The following ZNF333 variants were observed in gnomAD, a reference collection of about 807,000 sequenced individuals.
ZNF333 encodes zinc finger protein 333.
ZNF333 carries 61 observed loss-of-function variants against 76.1 expected under a neutral mutation model. The observed-to-expected ratio is 0.80, with a 90% CI of 0.65 to 0.99. The LOEUF (loss-of-function observed/expected upper bound fraction) is 0.99, where lower values mean the gene tolerates loss of function less well. ZNF333 is among the 50% of genes least tolerant of loss of function. The pLI, the probability that ZNF333 is intolerant of heterozygous loss-of-function variation, is 0.00. For missense variants in ZNF333, 717 were observed against 822.4 expected, an observed-to-expected ratio of 0.87 and a Z score of 1.57; for synonymous variants, 284 against 305.0, an observed-to-expected ratio of 0.93 and a Z score of 0.72.
intron 7 of ZNF333, among the ~76,000 whole-genome samples, chr19:14,711,744 G>A (rs1334508478): frequency 6.6e-6 from 1 of 152,182 alleles, no homozygotes; most frequent in East Asian, 1.9e-4. Flanking sequence ...ATGACATGGA[G>A]CATTTTTGTG....
chr19:14,710,040 G>T (rs1184521480), intron 7 of ZNF333, among the ~76,000 whole-genome samples: 1 of 152,214 alleles, frequency 6.6e-6, no homozygotes, highest in Non-Finnish European at 1.5e-5. Flanking sequence ...ATGGAGCAGA[G>T]AACTGGTTGC....
chr19:14,698,895 T>C (rs1568527511), intron 4 of ZNF333, among the ~76,000 whole-genome samples: 1 of 104,586 alleles, frequency 9.6e-6, no homozygotes, highest in African/African-American at 4.5e-5. Context: ...CACACACAAA[T>C]ATAGATATAT....
At chr19:14,690,818 C>T (rs559076021) in intron 1 of ZNF333, among the ~76,000 whole-genome samples, 1 of 152,024 alleles carries the variant, frequency 6.6e-6, no homozygotes, top group Non-Finnish European at 1.5e-5. Flanking sequence ...TTTGGCCAGG[C>T]TTGGTGGCTC....
At position 14,719,407 on chromosome 19, in the gene ZNF333, G is replaced by A. The variant is rs1599757781; in HGVS notation, c.*82G>A. The A allele has an allele frequency of 3.6e-6, 5 of 1,395,936 alleles. No individual in the cohort carries two copies. In the East Asian group the frequency reaches 9.4e-5, roughly 26 times the overall value. 86.5% of individuals were successfully genotyped at this position (1,395,936 alleles called of 1,614,324 possible). A position where few individuals can be genotyped will look rare whatever the true frequency, so the allele number is the denominator to read the frequency against. On this transcript the variant is annotated 3_prime_UTR_variant, in exon 12 of 12. Transcript: ENST00000292530. ...CTTTAGCTGCATCCTGTGTTTCAAT[G>A]TATAATATTTTCATTTTGGTTTAAT...
intron 1 of ZNF333, among the ~76,000 whole-genome samples, chr19:14,690,697 G>C (rs1198276808): frequency 6.6e-6 from 1 of 152,164 alleles, no homozygotes; most frequent in Non-Finnish European, 1.5e-5. Context: ...ATTTCTTTTG[G>C]AGACTGACAA....
downstream of ZNF333, among the ~76,000 whole-genome samples, chr19:14,726,700 G>A (rs553284516): frequency 1.2e-4 from 18 of 152,302 alleles, no homozygotes; most frequent in South Asian, 2.3e-3. Context: ...TAGACGCAAT[G>A]CTGCCAGGTC....
intron 8 of ZNF333, 33 bp from the exon 9 acceptor site, chr19:14,716,079 C>T: frequency 6.2e-7 from 1 of 1,612,950 alleles, no homozygotes; most frequent in South Asian, 1.1e-5. Flanking sequence ...TGGGGGTGGT[C>T]CCTGGCTGAG....
intron 11 of ZNF333, chr19:14,731,098 C>G: frequency 1.5e-6 from 2 of 1,360,548 alleles, no homozygotes; most frequent in Non-Finnish European, 2.0e-6. Context: ...GCCCCCTCCC[C>G]CCAAGGATTG....
rs776908567 is a variant in ZNF333 at position 14,716,132 on chromosome 19, T to TGTG, written c.623_625dup (p.Val208dup). ...TTTAGGAACCAGTCACCTTTGCAGA[T>TGTG]GTGGCTGTGGTGTTCACCCCAGAAG... On this transcript the variant is annotated inframe_insertion, in exon 9 of 12. Transcript: ENST00000292530. 5.6e-6 allele frequency: 9 copies of TGTG among 1,613,996 alleles called. No homozygotes were observed. The highest frequency in any genetic ancestry group is 7.6e-6 in the Non-Finnish European group (9 of 1,180,008).
chr19:14,691,649 T>C (rs1349575598), intron 1 of ZNF333, among the ~76,000 whole-genome samples: 1 of 151,736 alleles, frequency 6.6e-6, no homozygotes, highest in Non-Finnish European at 1.5e-5. Context: ...GTTATTCTTA[T>C]ATTTGATTTT....
intron 7 of ZNF333, among the ~76,000 whole-genome samples, chr19:14,710,777 TTAAAAAA>T (rs1324631406): frequency 6.6e-6 from 1 of 151,988 alleles, no homozygotes; most frequent in Non-Finnish European, 1.5e-5. Context: ...GATTTCCTTC[TTAAAAAA>T]TAAAAAAATA....
chr19:14,694,607 G>A (rs1012655753), intron 2 of ZNF333, among the ~76,000 whole-genome samples: 1 of 152,196 alleles, frequency 6.6e-6, no homozygotes, highest in Non-Finnish European at 1.5e-5. Flanking sequence ...CCAAATTTGT[G>A]ATGCTGTGCC....
At chr19:14,691,843 A>G (rs1448403823) in intron 1 of ZNF333, among the ~76,000 whole-genome samples, 1 of 151,848 alleles carries the variant, frequency 6.6e-6, no homozygotes, top group African/African-American at 2.4e-5. Flanking sequence ...TGCCCGGCTA[A>G]TTTTTGTATT....
At chr19:14,695,414 G>A in intron 3 of ZNF333, 152 bp from the exon 4 acceptor site, 1 of 827,546 alleles carries the variant, frequency 1.2e-6, no homozygotes. Flanking sequence ...TAGCTATTGG[G>A]CAAGATCCCT....
chr19:14,693,344 A>G (rs1206446012), intron 1 of ZNF333, 107 bp from the exon 2 acceptor site: 3 of 749,792 alleles, frequency 4.0e-6, no homozygotes, highest in Non-Finnish European at 6.1e-6. Context: ...TTATGGAGAT[A>G]AATGTCCTGT....
rs1411532629 is a variant in ZNF333 at position 14,706,690 on chromosome 19, T to C, written c.428T>C (p.Leu143Pro). 1 of 1,614,118 alleles carries C rather than the reference T, an allele frequency of 6.2e-7. No individual in the cohort carries two copies. Among genetic ancestry groups the C allele is most frequent in the Admixed American group, 1.7e-5 (1 of 60,024 alleles). Residue 143 changes from leucine to proline, a missense_variant, in exon 7 of 12, where the codon CTG becomes CCG. Physicochemically the swap from Leu to Pro is moderately conservative, Grantham distance 98. Coordinates refer to ENST00000292530, the MANE Select transcript of ZNF333 (RefSeq NM_032433.4). ...GACCCCTGTCACTCTGTCCAGGGAC[T>C]GAAGGCCGCTATGCAGATTCAGAGG... is the stretch of plus-strand genomic sequence containing the variant. The part of the protein sequence containing the change: ...EPPWSLGCTG[L>P]KAAMQIQRVV...
chr19:14,717,016 T>C lies in ZNF333; in HGVS notation c.750T>C (p.Asn250=), dbSNP rs1344645219. The stretch of plus-strand genomic sequence containing the variant: ...CAGCTGATCAACTGTGCAAACCCAA[T>C]GCGTTGTCTTATTTGGAAGAAAGAG... The part of the protein sequence containing the change: ...ASVADQLCKP[N]ALSYLEERGE... Residue 250 remains asparagine, a synonymous_variant, in exon 10 of 12, where the codon AAT becomes AAC. Transcript: ENST00000292530. 1.7e-5 allele frequency: 28 copies of C among 1,612,124 alleles called. No individual in the cohort carries two copies. Among genetic ancestry groups the C allele is most frequent in the Non-Finnish European group, 2.3e-5 (27 of 1,179,124 alleles).
chr19:14,713,257 G>A (rs1332761297), intron 7 of ZNF333, among the ~76,000 whole-genome samples: 1 of 152,166 alleles, frequency 6.6e-6, no homozygotes. Flanking sequence ...AGAAAAAGGG[G>A]TCATGGGTCC....
rs1015751030 is a variant in ZNF333, at chr19:14,706,882, G to A, written c.511+109G>A. ...TGCATTTCCTCTGACTGCAGGCACT[G>A]CCGTGGCACCATAGAGAGGATACAG... On this transcript the variant is annotated intron_variant, in intron 7 of 11. Transcript: ENST00000292530. 7 of 890,578 alleles carry A rather than the reference G, an allele frequency of 7.9e-6. No individual in the cohort carries two copies. The African/African-American group carries it at 1.2e-4, about 15-fold the overall frequency. The allele number at this position is 890,578 out of a possible 1,614,324, so 55.2% of individuals were successfully genotyped here. A position where few individuals can be genotyped will look rare whatever the true frequency, so the allele number is the denominator to read the frequency against.
Sources: gnomAD v4.1 joint callset for allele counts (sites outside exome capture counted in the v4.1 genomes callset) on GRCh38, gnomAD v4.1.1 for gene constraint, MANE v1.5 for transcripts, NCBI Gene and HGNC (gene_info 2026-07-23, HGNC 2026-07-21) for gene names.